Variants in GRB10 observed in about 807,000 individuals in gnomAD.
GRB10 encodes the protein growth factor receptor bound protein 10.
GRB10 carries 20 observed loss-of-function variants against 80.9 expected under a neutral mutation model. That is an observed-to-expected ratio of 0.25 (90% CI 0.17 to 0.36). GRB10 has a LOEUF of 0.36. Among genes scored for constraint, GRB10 ranks in the 10% least tolerant of loss-of-function variants. The pLI is 1.00. For missense variants in GRB10, 548 were observed against 747.7 expected (o/e 0.73, Z 3.12); for synonymous variants, 291 against 291.5 (o/e 1.00, Z 0.02).
chr7:50,595,871 T>C, intron 17 of GRB10: 1 of 235,116 alleles, frequency 4.3e-6, no homozygotes, highest in South Asian at 6.8e-5. Context: ...AATGAGGACA[T>C]GTCAAAAAGA....
intron 7 of GRB10, among the ~76,000 whole-genome samples, chr7:50,643,329 G>C (rs1047668924): frequency 6.6e-6 from 1 of 152,076 alleles, no homozygotes; most frequent in Non-Finnish European, 1.5e-5. Context: ...GCATAAACTG[G>C]ACCAGCCAAC....
At position 50,605,021 on chromosome 7, in the gene GRB10, A is replaced by G. The variant is rs1304184515; in HGVS notation, c.1389+269T>C. On this transcript the variant is annotated intron_variant, in intron 15 of 18. Coordinates refer to ENST00000401949, the MANE Select transcript of GRB10 (RefSeq NM_001350814.2). Reference sequence around the variant, plus strand: ...CAGTTCATCAGCAGAACAGTTCTGCATAGGAGCCACGGAGGGCAGAGAACT... The same window carrying G: ...CAGTTCATCAGCAGAACAGTTCTGCGTAGGAGCCACGGAGGGCAGAGAACT... 4 of 502,564 alleles carry G rather than the reference A, an allele frequency of 8.0e-6. No individual in the cohort carries two copies. The East Asian group carries it at 1.1e-4, about 14-fold the overall frequency. 31.1% of individuals were successfully genotyped at this position (502,564 alleles called of 1,614,324 possible).
chr7:50,754,672 G>A (rs2074768392), intron 3 of GRB10, among the ~76,000 whole-genome samples: 1 of 152,192 alleles, frequency 6.6e-6, no homozygotes, highest in African/African-American at 2.4e-5. Context: ...GCAGACATTT[G>A]GGAAAAGATA....
intron 8 of GRB10, among the ~76,000 whole-genome samples, chr7:50,624,613 G>T (rs2052538571): frequency 6.6e-6 from 1 of 152,338 alleles, no homozygotes; most frequent in Non-Finnish European, 1.5e-5. Context: ...AGTCCTGGGG[G>T]TACTGACCTT....
At chr7:50,659,220 C>T (rs138035391) in intron 7 of GRB10, among the ~76,000 whole-genome samples, 118 of 152,266 alleles carry the variant, frequency 7.7e-4, no homozygotes, top group Non-Finnish European at 1.5e-3. Context: ...GCCAAGAAAA[C>T]GATAGACGAT....
chr7:50,775,320 C>A (rs1157774313), intron 2 of GRB10, among the ~76,000 whole-genome samples: 1 of 152,174 alleles, frequency 6.6e-6, no homozygotes, highest in African/African-American at 2.4e-5. Flanking sequence ...GAGAATAAAT[C>A]TTTGGTTCCA....
At position 50,592,574 on chromosome 7, in the gene GRB10, A is replaced by G; in HGVS notation, c.*378T>C. The G allele has an allele frequency of 3.3e-6, 1 of 304,152 alleles. No homozygotes were observed. The highest frequency in any genetic ancestry group is 6.4e-6 in the Non-Finnish European group (1 of 157,268). 18.8% of individuals were successfully genotyped at this position (304,152 alleles called of 1,614,324 possible). A position where few individuals can be genotyped will look rare whatever the true frequency, so the allele number is the denominator to read the frequency against. On this transcript the variant is annotated 3_prime_UTR_variant, in exon 19 of 19. Coordinates refer to ENST00000401949, the MANE Select transcript of GRB10 (RefSeq NM_001350814.2). ...GAGTGCAAAAAAGTGATCAATACAA[A>G]AAAAGTAAACATATCAGTTTTAATT... is the stretch of plus-strand genomic sequence containing the variant.
intron 4 of GRB10, among the ~76,000 whole-genome samples, chr7:50,723,138 A>AT (rs1002705954): frequency 7.9e-5 from 12 of 152,154 alleles, no homozygotes; most frequent in Non-Finnish European, 1.5e-4. Flanking sequence ...CCTTATAGCT[A>AT]TTTTTTCACA....
At chr7:50,743,427 G>A (rs774423775) in intron 3 of GRB10, among the ~76,000 whole-genome samples, 2 of 152,200 alleles carry the variant, frequency 1.3e-5, no homozygotes, top group African/African-American at 4.8e-5. Context: ...AAACGTAAGC[G>A]TGGGTCAGAT....
intron 3 of GRB10, among the ~76,000 whole-genome samples, chr7:50,738,975 T>C (rs958147135): frequency 1.3e-5 from 2 of 152,040 alleles, no homozygotes; most frequent in African/African-American, 4.8e-5. Context: ...ATATTAAAAT[T>C]TGTTTATTTT....
At chr7:50,789,606 G>C (rs922525689) in intron 1 of GRB10, among the ~76,000 whole-genome samples, 9 of 152,184 alleles carry the variant, frequency 5.9e-5, no homozygotes, top group African/African-American at 2.2e-4. Flanking sequence ...TCTCAGGCTT[G>C]ACGTTAACAA....
At chr7:50,721,305 CCTGCCCAGGATGCGACTCCTCCCT>C (rs1355603935) in intron 4 of GRB10, among the ~76,000 whole-genome samples, 4 of 152,198 alleles carry the variant, frequency 2.6e-5, no homozygotes, top group Admixed American at 6.5e-5. Flanking sequence ...CCCGCTTTGT[CCTGCCCAGGATGCGACTCCTCCCT>C]CTGCCCAGGA....
intron 3 of GRB10, among the ~76,000 whole-genome samples, chr7:50,736,294 A>C (rs1251223038): frequency 6.6e-6 from 1 of 152,212 alleles, no homozygotes; most frequent in Non-Finnish European, 1.5e-5. Flanking sequence ...TCAAAAAAAC[A>C]AAAGAAAACA....
chr7:50,619,056 C>T (rs1298895870), intron 9 of GRB10, 114 bp downstream of exon 9: 3 of 716,208 alleles, frequency 4.2e-6, no homozygotes, highest in African/African-American at 3.5e-5. Flanking sequence ...ATTCTCAAAC[C>T]CATATGCTAC....
chr7:50,741,987 C>G (rs956312761), intron 3 of GRB10, among the ~76,000 whole-genome samples: 1 of 151,044 alleles, frequency 6.6e-6, no homozygotes, highest in African/African-American at 2.4e-5. Flanking sequence ...AAATTTTGAA[C>G]ATTACTGAAA....
At chr7:50,703,772 G>T in intron 5 of GRB10, 49 bp downstream of exon 5, 1 of 1,326,258 alleles carries the variant, frequency 7.5e-7, no homozygotes, top group Non-Finnish European at 1.1e-6. Context: ...TCTGGGCACT[G>T]CTGCAAAGCT....
At chr7:50,658,646 T>C (rs946521199) in intron 7 of GRB10, among the ~76,000 whole-genome samples, 2 of 152,324 alleles carry the variant, frequency 1.3e-5, no homozygotes, top group Admixed American at 6.5e-5. Context: ...TTGACAGCTA[T>C]AGATATCAAG....
intron 9 of GRB10, among the ~76,000 whole-genome samples, chr7:50,618,967 T>G (rs1370595412): frequency 1.3e-5 from 2 of 152,158 alleles, no homozygotes; most frequent in Non-Finnish European, 2.9e-5. Context: ...GACCTCTACC[T>G]TCAGCCAGTC....
rs774992959 is a variant in GRB10 at position 50,614,823 on chromosome 7, T to C, written c.1042A>G (p.Ile348Val). The C allele has an allele frequency of 6.2e-7, 1 of 1,614,014 alleles. No individual in the cohort carries two copies. Among genetic ancestry groups the C allele is most frequent in the Admixed American group, 1.7e-5 (1 of 60,006 alleles). The change falls in exon 12 of 19, where the codon ATC becomes GTC. Residue 348 changes from isoleucine (I) to valine (V), a missense_variant. Around this residue, in one of 4 missense-constraint regions of GRB10, gnomAD observed 270 missense variants for 433.6 expected, o/e 0.62. Transcript: ENST00000401949. ...DLEDSNIFSL[I>V]AGRKQYNAPT... The stretch of plus-strand genomic sequence containing the variant: ...GCGTTGTACTGCTTCCTGCCAGCGA[T>C]CAGGGAGAAGATGTTGCTGTCCTCC...
Sources: allele counts gnomAD v4.1 joint callset (sites outside exome capture counted in the v4.1 genomes callset), GRCh38; gene constraint gnomAD v4.1.1; regional missense constraint gnomAD v4.1.1; transcripts MANE v1.5; gene names NCBI Gene and HGNC (gene_info 2026-07-23, HGNC 2026-07-21).